The following SYNJ2 variants were observed in gnomAD, a reference collection of about 807,000 sequenced individuals.
SYNJ2 encodes the protein polyphosphatidylinositol phosphatase SYNJ2.
SYNJ2 carries 116 observed loss-of-function variants against 141.3 expected under a neutral mutation model. That is an observed-to-expected ratio of 0.82 (90% CI 0.71 to 0.96). SYNJ2 has a LOEUF of 0.96. Among genes scored for constraint, SYNJ2 ranks in the 40% least tolerant of loss-of-function variants. The pLI is 0.00. For missense variants in SYNJ2, 1,873 were observed against 1,934.8 expected (o/e 0.97, Z 0.60); for synonymous variants, 745 against 777.7 (o/e 0.96, Z 0.70).
At chr6:158,078,316 G>C in intron 18 of SYNJ2, 35 bp downstream of exon 18, 1 of 1,438,198 alleles carries the variant, frequency 7.0e-7, no homozygotes, top group Non-Finnish European at 9.8e-7. Flanking sequence ...TTTCTCCTGT[G>C]CTGGGCAAGG....
chr6:158,095,756 G>A lies in SYNJ2; in HGVS notation c.3883G>A (p.Gly1295Arg), dbSNP rs1783759252. The A allele has an allele frequency of 6.2e-7, 1 of 1,614,058 alleles. No homozygotes were observed. The highest frequency in any genetic ancestry group is 1.1e-5 in the South Asian group (1 of 91,082). The stretch of plus-strand genomic sequence containing the variant: ...TCCCAAACCAAGAACATTTCAGCCT[G>A]GGAAAGCTGCAGAGAGGCCAAGCCA... ...PVPKPRTFQP[G>R]KAAERPSHRK... The change falls in exon 27 of 27, where the codon GGG becomes AGG. Residue 1295 changes from glycine to arginine, a missense_variant. Gly to Arg is a moderately radical substitution (Grantham distance 125, BLOSUM62 -2). Transcript: ENST00000355585.
At chr6:158,085,562 A>AG (rs1345503121) in intron 22 of SYNJ2, among the ~76,000 whole-genome samples, 2 of 152,198 alleles carry the variant, frequency 1.3e-5, no homozygotes, top group African/African-American at 4.8e-5. Flanking sequence ...AAGTGGATTA[A>AG]GGTACCTCTC....
At chr6:157,984,465 C>T (rs1444613434) in intron 1 of SYNJ2, among the ~76,000 whole-genome samples, 3 of 152,208 alleles carry the variant, frequency 2.0e-5, no homozygotes, top group African/African-American at 7.2e-5. Flanking sequence ...GTGGTGCGAT[C>T]TCGGCTGACT....
chr6:158,029,570 AAAAG>A (rs1416870705), intron 3 of SYNJ2, among the ~76,000 whole-genome samples: 1 of 151,946 alleles, frequency 6.6e-6, no homozygotes, highest in Non-Finnish European at 1.5e-5. Context: ...GTCTCAAAGA[AAAAG>A]AAAGAAAGAA....
chr6:157,989,670 C>T (rs1156242669), intron 1 of SYNJ2, among the ~76,000 whole-genome samples: 2 of 151,796 alleles, frequency 1.3e-5, no homozygotes, highest in Admixed American at 6.6e-5. Flanking sequence ...AGCCTCCACA[C>T]GGATGTCCCC....
chr6:158,064,536 TG>T, intron 9 of SYNJ2, 64 bp from the exon 10 acceptor site: 2 of 1,591,112 alleles, frequency 1.3e-6, no homozygotes, highest in South Asian at 2.3e-5. Flanking sequence ...AGGAACCTCC[TG>T]GGACAGTGGC....
chr6:158,019,261 C>T (rs1778633931), intron 2 of SYNJ2, among the ~76,000 whole-genome samples: 1 of 152,244 alleles, frequency 6.6e-6, no homozygotes, highest in Non-Finnish European at 1.5e-5. Flanking sequence ...ACGCCATTCT[C>T]AAGTGGTGCC....
intron 1 of SYNJ2, among the ~76,000 whole-genome samples, chr6:158,015,754 A>G (rs11969487): frequency 0.029 from 4,467 of 152,356 alleles, 216 homozygotes; most frequent in African/African-American, 0.1. Context: ...GATAAGGCAC[A>G]TATATTGCTA....
intron 1 of SYNJ2, among the ~76,000 whole-genome samples, chr6:157,992,401 C>CT (rs57905567): frequency 0.019 from 2,298 of 120,052 alleles, 14 homozygotes; most frequent in African/African-American, 0.024. Context: ...TGGCTTGTTT[C>CT]TTTTTTTTTT....
rs1583390756 is a variant in SYNJ2, at chr6:158,043,194, T to G, written c.712-122T>G. On this transcript the variant is annotated intron_variant, in intron 4 of 26. Coordinates refer to ENST00000355585, the MANE Select transcript of SYNJ2 (RefSeq NM_003898.4). This position sits in a 1 kb window ranked among gnomAD's most constrained non-coding sequence, Gnocchi z 4.0. ...GATGGGGGAGCAGAGGACGCCGGAG[T>G]CCACCGTCCGCCCTTCATTCTGGCT... 2 of 779,830 alleles carry G rather than the reference T, an allele frequency of 2.6e-6. No homozygotes were observed. Among genetic ancestry groups the G allele is most frequent in the East Asian group, 2.7e-5 (1 of 37,554 alleles). The allele number at this position is 779,830 out of a possible 1,614,324, so 48.3% of individuals were successfully genotyped here.
At chr6:158,088,033 AATTTTTTTTTTTTTTTTTTT>A (rs1783184616) in intron 23 of SYNJ2, among the ~76,000 whole-genome samples, 6 of 36,816 alleles carry the variant, frequency 1.6e-4, no homozygotes, top group Admixed American at 1.1e-3. Flanking sequence ...CCTGCTTTGG[AATTTTTTTTTTTTTTTTTTT>A]TTTTTTTTTT....
In SYNJ2 at chr6:158,078,202, G is replaced by A. The variant is rs763322041; in HGVS notation, c.2488G>A (p.Asp830Asn). ...LNLLDSDLDV[D>N]TKVRHTWSPG... ...CCTTCTAGACAGTGATCTAGATGTT[G>A]ACACCAAAGTCAGACACACCTGGTC... Residue 830 changes from aspartate (D) to asparagine (N), a missense_variant, in exon 18 of 27, where the codon GAC becomes AAC. Coordinates refer to ENST00000355585, the MANE Select transcript of SYNJ2 (RefSeq NM_003898.4). The A allele has an allele frequency of 6.2e-7, 1 of 1,613,904 alleles. No individual in the cohort carries two copies. The highest frequency in any genetic ancestry group is 8.5e-7 in the Non-Finnish European group (1 of 1,179,960).
At chr6:158,092,831 G>T in intron 25 of SYNJ2, 95 bp from the exon 26 acceptor site, 4 of 1,188,832 alleles carry the variant, frequency 3.4e-6, no homozygotes, top group Non-Finnish European at 4.6e-6. Context: ...CACTGAATTA[G>T]TAAATGACAC....
intron 16 of SYNJ2, among the ~76,000 whole-genome samples, 172 bp from the exon 17 acceptor site, chr6:158,076,454 C>CT (rs1460155310): frequency 6.6e-6 from 1 of 152,142 alleles, no homozygotes; most frequent in Non-Finnish European, 1.5e-5. Flanking sequence ...CTGAGGATCA[C>CT]TTTTTTGCTA....
Position 158,043,354 on chromosome 6 carries a change from G to C in SYNJ2, c.750G>C (p.Gln250His). The C allele has an allele frequency of 6.2e-7, 1 of 1,614,162 alleles. No individual in the cohort carries two copies. Among genetic ancestry groups the C allele is most frequent in the South Asian group, 1.1e-5 (1 of 91,076 alleles). ...ACGATGGAGTGTCATCTTTTGTCCA[G>C]ATCAGAGGCTCCGTTCCGCTGTTCT... ...YMDDGVSSFV[Q>H]IRGSVPLFWE... Residue 250 changes from glutamine to histidine, a missense_variant, in exon 5 of 27, where the codon CAG becomes CAC. Gln to His is a conservative substitution (Grantham distance 24, BLOSUM62 0). Coordinates refer to ENST00000355585, the MANE Select transcript of SYNJ2 (RefSeq NM_003898.4). This position sits in a 1 kb window ranked among gnomAD's most constrained non-coding sequence, Gnocchi z 4.0.
Position 158,083,420 on chromosome 6 carries a change from C to G in SYNJ2, c.2866-9C>G. The G allele has an allele frequency of 2.5e-6, 4 of 1,612,152 alleles. No homozygotes were observed. Among genetic ancestry groups the G allele is most frequent in the Non-Finnish European group, 3.4e-6 (4 of 1,178,498 alleles). On this transcript the variant is annotated splice_polypyrimidine_tract_variant and intron_variant, in intron 20 of 26. Transcript: ENST00000355585. ...TATTTATTCCTGGGTGGCCGCTCTG[C>G]CCTCCCAGGTGAAAGGCAGAGCAGT...
chr6:158,079,938 A>C (rs1264829349), intron 18 of SYNJ2, among the ~76,000 whole-genome samples: 1 of 152,084 alleles, frequency 6.6e-6, no homozygotes, highest in Non-Finnish European at 1.5e-5. Flanking sequence ...GCTATGAAAG[A>C]AAAAAAGTAG....
chr6:158,067,549 C>G (rs1781644093), intron 12 of SYNJ2: 2 of 985,404 alleles, frequency 2.0e-6, no homozygotes, highest in Non-Finnish European at 2.4e-6. Context: ...TGACTCGGGC[C>G]TTGGTTTTTT....
chr6:158,009,576 C>T (rs1026372090), intron 1 of SYNJ2, among the ~76,000 whole-genome samples: 1 of 152,142 alleles, frequency 6.6e-6, no homozygotes, highest in Admixed American at 6.5e-5. Context: ...GCCAGAAATT[C>T]GTGGCCAGCC....
Sources: allele counts gnomAD v4.1 joint callset (sites outside exome capture counted in the v4.1 genomes callset), GRCh38; gene constraint gnomAD v4.1.1; non-coding constraint Gnocchi (gnomAD v3.1); transcripts MANE v1.5; gene names NCBI Gene and HGNC (gene_info 2026-07-23, HGNC 2026-07-21).